RNF217: variants seen among roughly 807,000 people sequenced by gnomAD.
RNF217 encodes E3 ubiquitin-protein ligase RNF217.
RNF217 carries 31 observed loss-of-function variants against 57.8 expected under a neutral mutation model. That is an observed-to-expected ratio of 0.54 (90% CI 0.40 to 0.72). The LOEUF (loss-of-function observed/expected upper bound fraction) is 0.72, where lower values mean the gene tolerates loss of function less well. Ranked by LOEUF, RNF217 falls within the 30% of genes least tolerant of loss-of-function variation. The pLI, the probability that RNF217 is intolerant of heterozygous loss-of-function variation, is 0.00. For missense variants in RNF217, 696 were observed against 708.3 expected, an observed-to-expected ratio of 0.98 and a Z score of 0.20; for synonymous variants, 313 against 294.0, an observed-to-expected ratio of 1.06 and a Z score of -0.66.
intron 1 of RNF217, among the ~76,000 whole-genome samples, chr6:124,990,764 G>C (rs954718119): frequency 2.0e-5 from 3 of 152,106 alleles, no homozygotes; most frequent in Non-Finnish European, 4.4e-5. Context: ...TTTGTAGAGT[G>C]ATCTCAAGAG....
chr6:125,080,901 G>T (rs566291151), intron 4 of RNF217, among the ~76,000 whole-genome samples: 1 of 151,924 alleles, frequency 6.6e-6, no homozygotes, highest in Non-Finnish European at 1.5e-5. Context: ...ATCTTGAAAC[G>T]TCCCATTTTT....
At chr6:125,011,142 A>G (rs1027732810) in intron 1 of RNF217, among the ~76,000 whole-genome samples, 2 of 152,182 alleles carry the variant, frequency 1.3e-5, no homozygotes, top group Admixed American at 6.5e-5. Context: ...GAAGAACTCC[A>G]AAGATAAGTT....
At chr6:124,993,743 A>C (rs1562457744) in intron 1 of RNF217, among the ~76,000 whole-genome samples, 1 of 152,156 alleles carries the variant, frequency 6.6e-6, no homozygotes, top group Non-Finnish European at 1.5e-5. Context: ...TGTAAGGAAT[A>C]GTGAGGCCTC....
chr6:124,973,551 A>G (rs2114995318), intron 1 of RNF217, among the ~76,000 whole-genome samples: 1 of 152,186 alleles, frequency 6.6e-6, no homozygotes, highest in Admixed American at 6.5e-5. Context: ...TGAATGAATG[A>G]TTGAAAATAA....
At chr6:125,053,836 T>C (rs1291675453) in intron 2 of RNF217, among the ~76,000 whole-genome samples, 1 of 152,158 alleles carries the variant, frequency 6.6e-6, no homozygotes, top group Non-Finnish European at 1.5e-5. Context: ...ATAACTTTAT[T>C]CTTGAAGCAC....
Position 124,963,337 on chromosome 6 carries a change from G to A in RNF217, c.793G>A (p.Val265Met). The change falls in exon 1 of 6, where the codon GTG (valine) becomes ATG (methionine). Residue 265 changes from valine to methionine, a missense_variant. Physicochemically the swap from Val to Met is conservative, Grantham distance 21. Around this residue, in one of 2 missense-constraint regions of RNF217, gnomAD observed 465 missense variants for 386.8 expected, o/e 1.20. Transcript: ENST00000521654. The stretch of plus-strand genomic sequence containing the variant: ...GCCCCTCATGGTGCTGATGTGCCGG[G>A]TGTGCCTGGAAGACAAGCCCATCAA... ...YVPLMVLMCR[V>M]CLEDKPIKPL... The A allele has an allele frequency of 6.5e-7, 1 of 1,534,572 alleles. No individual in the cohort carries two copies. The highest frequency in any genetic ancestry group is 8.7e-7 in the Non-Finnish European group (1 of 1,146,086).
Position 125,009,149 on chromosome 6 carries a change from AT to A in RNF217, c.883-36056del. 3 of 1,454,458 alleles carry A rather than the reference AT, an allele frequency of 2.1e-6. No individual in the cohort carries two copies. The East Asian group carries it at 7.0e-5, about 34-fold the overall frequency. The allele number at this position is 1,454,458 out of a possible 1,614,324, so 90.1% of individuals were successfully genotyped here. A position where few individuals can be genotyped will look rare whatever the true frequency, so the allele number is the denominator to read the frequency against. On this transcript the variant is annotated intron_variant, in intron 1 of 5. Transcript: ENST00000521654. ...GGGATTTGTTCTTTGACCTTTTGCC[AT>A]TTTTTCTCTTCTCATATTCATAGGT... is the stretch of plus-strand genomic sequence containing the variant.
In RNF217 at chr6:125,045,398, A is replaced by G. The variant is rs199552347; in HGVS notation, c.1070A>G (p.Lys357Arg). The stretch of plus-strand genomic sequence containing the variant: ...TGCAAGCACTTTACAACCTTCAAGA[A>G]AAAAGGACATATTCCCACCCCTTCC... ...PQCKHFTTFKKKGHIPTPSRS... is the reference protein window; with the variant it reads ...PQCKHFTTFKRKGHIPTPSRS... Residue 357 changes from lysine (K) to arginine (R), a missense_variant, in exon 2 of 6, where the codon AAA becomes AGA. Physicochemically the swap from Lys to Arg is conservative, Grantham distance 26. Around this residue, in one of 2 missense-constraint regions of RNF217, gnomAD observed 231 missense variants for 321.4 expected, o/e 0.72. Transcript: ENST00000521654. 1.2e-6 allele frequency: 2 copies of G among 1,613,316 alleles called. No homozygotes were observed. The highest frequency in any genetic ancestry group is 2.2e-5 in the East Asian group (1 of 44,780).
rs569587113 is a variant in RNF217, at chr6:124,976,462, G to A, written c.882+13036G>A. Among the ~76,000 whole-genome samples the A allele has an allele frequency of 2.0e-5, 3 of 151,768 alleles. No homozygotes were observed. In the South Asian group the frequency reaches 6.2e-4, roughly 32 times the overall value. On this transcript the variant is annotated intron_variant, in intron 1 of 5. Transcript: ENST00000521654. ...TTTTTGTATTTTTAGTAGAGATGGG[G>A]TTTCACTATGTTGGCCAGGCTGCTC...
intron 1 of RNF217, among the ~76,000 whole-genome samples, chr6:125,025,521 G>C (rs13196351): frequency 0.14 from 20,639 of 150,960 alleles, 1,785 homozygotes; most frequent in Non-Finnish European, 0.2. Context: ...TACCGAGGAG[G>C]GAGGGAGGAA....
intron 1 of RNF217, among the ~76,000 whole-genome samples, chr6:125,003,410 G>A (rs1020247412): frequency 1.3e-5 from 2 of 152,144 alleles, no homozygotes; most frequent in African/African-American, 4.8e-5. Context: ...TTAAGCCTCA[G>A]TGTCTTCATG....
intron 3 of RNF217, among the ~76,000 whole-genome samples, chr6:125,063,295 C>T (rs1490026689): frequency 6.6e-6 from 1 of 152,092 alleles, no homozygotes; most frequent in Non-Finnish European, 1.5e-5. Context: ...AGCAAATAAA[C>T]AGTTAATGAG....
At chr6:125,000,049 C>A (rs1228269020) in intron 1 of RNF217, among the ~76,000 whole-genome samples, 2 of 152,122 alleles carry the variant, frequency 1.3e-5, no homozygotes, top group African/African-American at 2.4e-5. Flanking sequence ...TCAGTTCTCT[C>A]AAGCTATATC....
chr6:125,037,394 G>T (rs533525056), intron 1 of RNF217, among the ~76,000 whole-genome samples: 1 of 152,244 alleles, frequency 6.6e-6, no homozygotes, highest in South Asian at 2.1e-4. Context: ...TTCTCTGGTT[G>T]CTTCTTGTTA....
At chr6:125,029,442 A>C (rs1290853035) in intron 1 of RNF217, among the ~76,000 whole-genome samples, 1 of 152,166 alleles carries the variant, frequency 6.6e-6, no homozygotes, top group African/African-American at 2.4e-5. Flanking sequence ...GGAGGAAATT[A>C]TTTCTTTCTT....
At chr6:125,007,957 C>T (rs1458081539) in intron 1 of RNF217, among the ~76,000 whole-genome samples, 1 of 151,960 alleles carries the variant, frequency 6.6e-6, no homozygotes, top group Non-Finnish European at 1.5e-5. Flanking sequence ...TAAAAATATG[C>T]TATAATAAAA....
chr6:125,041,103 G>T (rs1177563208), intron 1 of RNF217, among the ~76,000 whole-genome samples: 1 of 152,026 alleles, frequency 6.6e-6, no homozygotes, highest in Non-Finnish European at 1.5e-5. Context: ...AAAATGAGCA[G>T]TGAAGCAATG....
At chr6:125,065,950 A>G (rs1036567389) in intron 3 of RNF217, among the ~76,000 whole-genome samples, 4 of 152,276 alleles carry the variant, frequency 2.6e-5, no homozygotes, top group South Asian at 2.1e-4. Flanking sequence ...CTTCTCCCCA[A>G]AATGGTTCTT....
chr6:125,049,411 T>C (rs1028940173), intron 2 of RNF217, among the ~76,000 whole-genome samples: 1 of 152,016 alleles, frequency 6.6e-6, no homozygotes, highest in Non-Finnish European at 1.5e-5. Flanking sequence ...TGATAGAGGG[T>C]GCACTCAAAA....
Sources: allele counts gnomAD v4.1 joint callset (sites outside exome capture counted in the v4.1 genomes callset), GRCh38; gene constraint gnomAD v4.1.1; regional missense constraint gnomAD v4.1.1; transcripts MANE v1.5; gene names NCBI Gene and HGNC (gene_info 2026-07-23, HGNC 2026-07-21).